PDE4D: variants seen among roughly 807,000 people sequenced by gnomAD.
PDE4D encodes phosphodiesterase 4D, also known as 3',5'-cyclic-AMP phosphodiesterase 4D.
In PDE4D, 24 loss-of-function variants were observed where a neutral mutation model predicts 87.4. That is an observed-to-expected ratio of 0.27 (90% confidence interval 0.20 to 0.39). The LOEUF is 0.39. Among genes scored for constraint, PDE4D ranks in the 10% least tolerant of loss-of-function variants. The pLI is 1.00. For synonymous variants in PDE4D, 384 were observed against 383.2 expected (o/e 1.00, Z -0.02); for missense variants, 714 against 1,041.0 (o/e 0.69, Z 4.32).
intron 1 of PDE4D, among the ~76,000 whole-genome samples, chr5:59,303,360 G>A (rs999409960): frequency 2.6e-5 from 4 of 152,110 alleles, no homozygotes; most frequent in African/African-American, 9.7e-5. Context: ...TCTGCTGACT[G>A]TTCCTTTTGC....
chr5:59,574,701 C>T (rs1315050406), intron 1 of PDE4D, among the ~76,000 whole-genome samples: 2 of 152,118 alleles, frequency 1.3e-5, no homozygotes, highest in Non-Finnish European at 2.9e-5. Flanking sequence ...GATTTTCATA[C>T]TCCTTATTAC....
intron 2 of PDE4D, among the ~76,000 whole-genome samples, chr5:60,134,236 C>T (rs1177368424): frequency 1.3e-5 from 2 of 152,070 alleles, no homozygotes; most frequent in Non-Finnish European, 2.9e-5. Flanking sequence ...GTACCTCCTG[C>T]CTGTAATCCC....
chr5:59,647,433 A>G lies in PDE4D; in HGVS notation c.455+245735T>C, dbSNP rs2150220973. On this transcript the variant is annotated intron_variant, in intron 1 of 14. Transcript: ENST00000340635. Reference sequence around the variant, plus strand: ...ATTCATATATGTACATTTTAAATATATTTTTGAAATTAGGGATTTTTCAAA... The same window carrying G: ...ATTCATATATGTACATTTTAAATATGTTTTTGAAATTAGGGATTTTTCAAA... Among the ~76,000 whole-genome samples, 2 of 149,172 alleles carry G rather than the reference A, an allele frequency of 1.3e-5. 1 individual carries two copies. The highest frequency in any genetic ancestry group is 4.9e-5 in the African/African-American group (2 of 40,578).
chr5:59,821,187 C>T (rs544914446), intron 1 of PDE4D, among the ~76,000 whole-genome samples: 1 of 151,972 alleles, frequency 6.6e-6, no homozygotes, highest in African/African-American at 2.4e-5. Flanking sequence ...GAGCATTGAT[C>T]GTGCCACTGC....
chr5:60,485,307 G>A (rs74630886), intron 1 of PDE4D, among the ~76,000 whole-genome samples: 2,777 of 151,784 alleles, frequency 0.018, 72 homozygotes, highest in African/African-American at 0.064. Context: ...TAAATTCTTG[G>A]GCAAGCTGAA....
chr5:59,359,072 T>G (rs1781823774), intron 1 of PDE4D, among the ~76,000 whole-genome samples: 1 of 152,232 alleles, frequency 6.6e-6, no homozygotes, highest in Admixed American at 6.5e-5. Context: ...TATTCAAATT[T>G]AATGGATATC....
chr5:59,840,965 G>C (rs1435211585), intron 1 of PDE4D, among the ~76,000 whole-genome samples: 4 of 152,050 alleles, frequency 2.6e-5, no homozygotes, highest in Non-Finnish European at 4.4e-5. Context: ...AAGAGTAAGA[G>C]AGGTAAAATG....
chr5:60,366,278 CTTTATG>C (rs1760533968), intron 1 of PDE4D, among the ~76,000 whole-genome samples: 1 of 151,894 alleles, frequency 6.6e-6, no homozygotes, highest in African/African-American at 2.4e-5. Flanking sequence ...AAGCTAAGCT[CTTTATG>C]TTTATTTGTA....
At chr5:59,529,802 A>C (rs972539919) in intron 1 of PDE4D, among the ~76,000 whole-genome samples, 1 of 152,216 alleles carries the variant, frequency 6.6e-6, no homozygotes, top group African/African-American at 2.4e-5. Flanking sequence ...AGCACCAGAT[A>C]CTAAGCTCCC....
At chr5:59,342,849 G>C (rs1778972230) in intron 1 of PDE4D, among the ~76,000 whole-genome samples, 1 of 152,096 alleles carries the variant, frequency 6.6e-6, no homozygotes, top group Non-Finnish European at 1.5e-5. Context: ...TAGTGCGCAA[G>C]ATGATGTTCT....
intron 5 of PDE4D, among the ~76,000 whole-genome samples, chr5:59,171,116 A>T (rs972288129): frequency 3.3e-5 from 5 of 152,096 alleles, no homozygotes; most frequent in African/African-American, 1.2e-4. Context: ...TCCTGACCTC[A>T]GGTGATCCAC....
At chr5:59,681,625 G>A (rs189873540) in intron 1 of PDE4D, among the ~76,000 whole-genome samples, 3 of 152,208 alleles carry the variant, frequency 2.0e-5, no homozygotes, top group East Asian at 3.9e-4. Context: ...TTTGGGCCAG[G>A]TGCGGTGGCT....
chr5:60,138,774 T>C (rs771102713), intron 2 of PDE4D, among the ~76,000 whole-genome samples: 8 of 152,208 alleles, frequency 5.3e-5, no homozygotes, highest in Admixed American at 1.3e-4. Context: ...TTAATATCAG[T>C]ATAAATGGTA....
In PDE4D at chr5:58,974,992, A is replaced by G; in HGVS notation, c.2102T>C (p.Leu701Ser). Residue 701 changes from leucine to serine, a missense_variant, in exon 15 of 15, where the codon TTG becomes TCG. Around this residue, in one of 7 missense-constraint regions of PDE4D, gnomAD observed 97 missense variants for 176.9 expected, o/e 0.55. Transcript: ENST00000340635. Reference sequence around the variant, plus strand: ...CTGGTACCATTCACGATTGTCCTCCAAAGTGTCCAAAATATCCTGGGCGTC... The same window carrying G: ...CTGGTACCATTCACGATTGTCCTCCGAAGTGTCCAAAATATCCTGGGCGTC... ...HPDAQDILDT[L>S]EDNREWYQST... The G allele has an allele frequency of 1.2e-6, 2 of 1,611,472 alleles. No individual in the cohort carries two copies. Among genetic ancestry groups the G allele is most frequent in the East Asian group, 2.2e-5 (1 of 44,816 alleles).
chr5:59,882,123 T>C (rs34274982), intron 1 of PDE4D, among the ~76,000 whole-genome samples: 8,627 of 152,280 alleles, frequency 0.057, 318 homozygotes, highest in African/African-American at 0.1. Flanking sequence ...TATGGGTTTC[T>C]TAGAACCATA....
chr5:59,749,817 T>TA (rs2150718494), intron 1 of PDE4D, among the ~76,000 whole-genome samples: 1 of 152,246 alleles, frequency 6.6e-6, no homozygotes, highest in Admixed American at 6.5e-5. Flanking sequence ...TTCAGACTCA[T>TA]ACATTCAGTT....
intron 2 of PDE4D, among the ~76,000 whole-genome samples, chr5:59,205,718 C>A (rs1324238909): frequency 7.0e-6 from 1 of 142,570 alleles, no homozygotes; most frequent in Non-Finnish European, 1.5e-5. Flanking sequence ...AAAAACAAAA[C>A]TGATCTTGGT....
At chr5:59,675,412 T>A (rs1027505593) in intron 1 of PDE4D, among the ~76,000 whole-genome samples, 1 of 152,186 alleles carries the variant, frequency 6.6e-6, no homozygotes, top group East Asian at 1.9e-4. Context: ...CTCCACACTT[T>A]ATAGCTGTTT....
chr5:59,263,098 C>T (rs1017442606), intron 1 of PDE4D, among the ~76,000 whole-genome samples: 2 of 151,702 alleles, frequency 1.3e-5, no homozygotes, highest in African/African-American at 4.8e-5. Flanking sequence ...ACAACTCACC[C>T]AGTACAATCT....
Sources: gnomAD v4.1 joint callset for allele counts (sites outside exome capture counted in the v4.1 genomes callset) on GRCh38, gnomAD v4.1.1 for gene constraint, gnomAD v4.1.1 regional missense constraint, MANE v1.5 for transcripts, NCBI Gene and HGNC (gene_info 2026-07-23, HGNC 2026-07-21) for gene names.